Variants in MAN2A1 observed in about 807,000 individuals in gnomAD.
MAN2A1 encodes the protein mannosidase alpha class 2A member 1, also known as alpha-mannosidase 2.
A neutral mutation model predicts 142.6 loss-of-function variants in MAN2A1; 76 were observed. The ratio of observed to expected loss-of-function variants is 0.53; its 90% CI spans 0.44 to 0.65. The LOEUF is 0.65. Ranked by LOEUF, MAN2A1 falls within the 30% of genes least tolerant of loss-of-function variation. MAN2A1 has a pLI of 0.00. For missense variants in MAN2A1, 1,311 were observed against 1,365.1 expected, an observed-to-expected ratio of 0.96 and a Z score of 0.62; for synonymous variants, 559 against 473.2, an observed-to-expected ratio of 1.18 and a Z score of -2.35.
intron 6 of MAN2A1, 72 bp downstream of exon 6, chr5:109,767,780 C>T: frequency 7.8e-7 from 1 of 1,288,306 alleles, no homozygotes; most frequent in Non-Finnish European, 1.1e-6. Flanking sequence ...GAACTCATGC[C>T]ACTGTGGGTT....
At position 109,781,542 on chromosome 5, in the gene MAN2A1, T is replaced by C; in HGVS notation, c.1521T>C (p.Tyr507=). 2 of 1,612,708 alleles carry C rather than the reference T, an allele frequency of 1.2e-6. No homozygotes were observed. Among genetic ancestry groups the C allele is most frequent in the Non-Finnish European group, 1.7e-6 (2 of 1,179,616 alleles). The change falls in exon 9 of 22, where the codon TAT becomes TAC. Residue 507 remains tyrosine (Y), a synonymous_variant. Transcript: ENST00000261483. ...ADRDDHYWSG[Y]FTSRPFYKRM... is the part of the protein sequence containing the mutation. ...GAGATGATCATTACTGGAGTGGCTATTTTACATCCAGACCCTTTTACAAAC... is the reference window on the plus strand; with the variant it reads ...GAGATGATCATTACTGGAGTGGCTACTTTACATCCAGACCCTTTTACAAAC...
intron 8 of MAN2A1, among the ~76,000 whole-genome samples, chr5:109,779,658 CGTATTATTTGCT>C (rs1462418541): frequency 6.6e-6 from 1 of 151,728 alleles, no homozygotes; most frequent in African/African-American, 2.4e-5. Flanking sequence ...ATATTGAGTG[CGTATTATTTGCT>C]GTAAATTGCT....
chr5:109,856,951 T>C (rs1299822186), intron 20 of MAN2A1, among the ~76,000 whole-genome samples: 1 of 152,236 alleles, frequency 6.6e-6, no homozygotes, highest in East Asian at 1.9e-4. Flanking sequence ...GAGAAATATG[T>C]AATATGTTAG....
chr5:109,838,839 CAG>C (rs1420966591), intron 16 of MAN2A1, among the ~76,000 whole-genome samples: 1 of 152,142 alleles, frequency 6.6e-6, no homozygotes, highest in Non-Finnish European at 1.5e-5. Context: ...GTTGCCACAA[CAG>C]GGTCTGAGTA....
At chr5:109,846,144 A>C in intron 18 of MAN2A1, 138 bp downstream of exon 18, 1 of 700,270 alleles carries the variant, frequency 1.4e-6, no homozygotes, top group Admixed American at 3.2e-5. Context: ...CAACAACCAG[A>C]CTATTAGTTA....
chr5:109,832,692 C>T (rs1754946705), intron 16 of MAN2A1, among the ~76,000 whole-genome samples: 1 of 152,238 alleles, frequency 6.6e-6, no homozygotes, highest in Non-Finnish European at 1.5e-5. Flanking sequence ...GCTAGGTACA[C>T]CTCCCAGACA....
In MAN2A1 at chr5:109,774,777, T is replaced by G. The variant is rs1375004756; in HGVS notation, c.1197-11T>G. 2.5e-6 allele frequency: 4 copies of G among 1,589,928 alleles called. No homozygotes were observed. Among genetic ancestry groups the G allele is most frequent in the Non-Finnish European group, 1.7e-6 (2 of 1,173,334 alleles). On this transcript the variant is annotated splice_polypyrimidine_tract_variant and intron_variant, in intron 7 of 21. Transcript: ENST00000261483. ...ATATTTGCTGTTTTTTTGTGTTTGT[T>G]TTTTTTGTAGGGCTCGGATGCTACT...
At chr5:109,862,461 T>A (rs1755781244) in intron 20 of MAN2A1, 2 of 152,198 alleles carry the variant, frequency 1.3e-5, no homozygotes. Flanking sequence ...CTAATCTGTT[T>A]TACAAAGATA....
At chr5:109,824,461 T>C (rs1333902393) in intron 16 of MAN2A1, among the ~76,000 whole-genome samples, 1 of 152,198 alleles carries the variant, frequency 6.6e-6, no homozygotes, top group Non-Finnish European at 1.5e-5. Context: ...TCCAAAGACT[T>C]GCACATTTAG....
chr5:109,731,349 C>T (rs1473117502), intron 4 of MAN2A1, among the ~76,000 whole-genome samples: 3 of 138,940 alleles, frequency 2.2e-5, no homozygotes, highest in African/African-American at 5.7e-5. Flanking sequence ...AATAGGAAAG[C>T]GTGTTTCTTT....
chr5:109,807,768 G>A (rs1165022130), intron 12 of MAN2A1, among the ~76,000 whole-genome samples: 2 of 152,072 alleles, frequency 1.3e-5, no homozygotes, highest in East Asian at 1.9e-4. Flanking sequence ...ATGGAATTAG[G>A]ACATGGACAT....
At chr5:109,828,793 C>T (rs1032004089) in intron 16 of MAN2A1, among the ~76,000 whole-genome samples, 1 of 152,128 alleles carries the variant, frequency 6.6e-6, no homozygotes, top group African/African-American at 2.4e-5. Context: ...AACAAGCAGC[C>T]TGGAGGTAAA....
At chr5:109,726,493 G>T (rs1262941496) in intron 3 of MAN2A1, among the ~76,000 whole-genome samples, 1 of 152,024 alleles carries the variant, frequency 6.6e-6, no homozygotes, top group South Asian at 2.1e-4. Flanking sequence ...TTTATGGAAC[G>T]CTTTCAGGTT....
At chr5:109,730,052 G>A (rs1271646195) in intron 4 of MAN2A1, among the ~76,000 whole-genome samples, 2 of 149,444 alleles carry the variant, frequency 1.3e-5, no homozygotes, top group Non-Finnish European at 2.9e-5. Flanking sequence ...GGTCAAAGTG[G>A]CTTAATAGTT....
chr5:109,721,475 G>C (rs1582823018), intron 3 of MAN2A1, among the ~76,000 whole-genome samples: 2 of 152,228 alleles, frequency 1.3e-5, no homozygotes, highest in Middle Eastern at 6.8e-3. Context: ...GTGTGTGTTT[G>C]TGTGTCCCAA....
intron 1 of MAN2A1, among the ~76,000 whole-genome samples, chr5:109,698,214 A>C (rs1197845589): frequency 6.6e-6 from 1 of 152,218 alleles, no homozygotes; most frequent in Non-Finnish European, 1.5e-5. Flanking sequence ...CATAAGCTGT[A>C]AATAGAAGAT....
At chr5:109,822,380 C>G (rs1295311478) in intron 15 of MAN2A1, among the ~76,000 whole-genome samples, 1 of 151,938 alleles carries the variant, frequency 6.6e-6, no homozygotes, top group Non-Finnish European at 1.5e-5. Context: ...ATACCAATAA[C>G]TAATTTATTT....
At chr5:109,786,961 G>A (rs1287154972) in intron 10 of MAN2A1, among the ~76,000 whole-genome samples, 1 of 152,018 alleles carries the variant, frequency 6.6e-6, no homozygotes, top group Non-Finnish European at 1.5e-5. Flanking sequence ...CTCTGCCATA[G>A]TAGGGGGAAT....
At chr5:109,813,476 A>T (rs1226938899) in intron 12 of MAN2A1, among the ~76,000 whole-genome samples, 1 of 152,228 alleles carries the variant, frequency 6.6e-6, no homozygotes, top group Non-Finnish European at 1.5e-5. Flanking sequence ...GCTCTTGTTG[A>T]ACCTCAGTTT....
Sources: gnomAD v4.1 joint callset for allele counts (sites outside exome capture counted in the v4.1 genomes callset) on GRCh38, gnomAD v4.1.1 for gene constraint, MANE v1.5 for transcripts, NCBI Gene and HGNC (gene_info 2026-07-23, HGNC 2026-07-21) for gene names.